ADGRL3: variants seen among roughly 807,000 people sequenced by gnomAD.
ADGRL3 encodes calcium-independent alpha-latrotoxin receptor 3.
Under a neutral mutation model 153.5 loss-of-function variants are expected in ADGRL3, and 62 were observed. The observed-to-expected ratio is 0.40, with a 90% CI of 0.33 to 0.50. The LOEUF (loss-of-function observed/expected upper bound fraction) is 0.50. Ranked by LOEUF, ADGRL3 falls within the 20% of genes least tolerant of loss-of-function variation. The pLI, the probability that ADGRL3 is intolerant of heterozygous loss-of-function variation, is 0.47. For missense variants in ADGRL3, 1,641 were observed against 1,859.4 expected (o/e 0.88, Z 2.16); for synonymous variants, 710 against 672.5 (o/e 1.06, Z -0.86).
At chr4:61,370,562 A>T (rs1054314808) in intron 1 of ADGRL3, among the ~76,000 whole-genome samples, 3 of 152,096 alleles carry the variant, frequency 2.0e-5, no homozygotes, top group Non-Finnish European at 4.4e-5. Flanking sequence ...CTTAATCCTG[A>T]GTTCTAGTTT....
Position 61,244,702 on chromosome 4 carries a change from G to T in ADGRL3, c.-240+42937G>T, listed in dbSNP as rs138705581. Among the ~76,000 whole-genome samples, 728 of 152,030 alleles carry T rather than the reference G, an allele frequency of 4.8e-3. 5 individuals are homozygous for T. The highest frequency in any genetic ancestry group is 7.8e-3 in the Non-Finnish European group (528 of 67,912). ...CCCATAAAAACACAATCTCTGACTC[G>T]ATAGAACCTATGGACTCTGGCAAAA... On this transcript the variant is annotated intron_variant, in intron 1 of 26. Transcript: ENST00000683033.
rs1052587305 is a variant in ADGRL3, at chr4:61,392,641, G to A, written c.-174+9452G>A. On this transcript the variant is annotated intron_variant, in intron 2 of 26. Transcript: ENST00000683033. The stretch of plus-strand genomic sequence containing the variant: ...GCAGAGGTTGCAGTGAGCCCAGATT[G>A]CGCCACTGCGCTCCAGCCTGGTGAC... Among the ~76,000 whole-genome samples the A allele has an allele frequency of 2.4e-5, 3 of 124,236 alleles. No individual in the cohort carries two copies. In the East Asian group the frequency reaches 7.5e-4, roughly 31 times the overall value. 81.5% of individuals were successfully genotyped at this position (124,236 alleles called of 152,430 possible).
chr4:61,635,622 A>G (rs907158651), intron 5 of ADGRL3, among the ~76,000 whole-genome samples: 1 of 152,092 alleles, frequency 6.6e-6, no homozygotes, highest in African/African-American at 2.4e-5. Context: ...GCCCATGGTG[A>G]ACTGAATTTA....
Position 61,890,355 on chromosome 4 carries a change from T to C in ADGRL3, c.1481-2301T>C, listed in dbSNP as rs542619661. ...TTACTACTTCCCTATCTTAGTTCAT[T>C]TTCTACCACTGTAACAATACCCAAG... On this transcript the variant is annotated intron_variant, in intron 9 of 26. Coordinates refer to ENST00000683033, the MANE Select transcript of ADGRL3 (RefSeq NM_001387552.1). Among the ~76,000 whole-genome samples the C allele has an allele frequency of 3.8e-4, 58 of 152,306 alleles. 1 individual carries two copies. The highest frequency in any genetic ancestry group is 1.2e-3 in the Admixed American group (18 of 15,292).
At chr4:61,822,838 G>C (rs970355869) in intron 9 of ADGRL3, among the ~76,000 whole-genome samples, 4 of 152,054 alleles carry the variant, frequency 2.6e-5, no homozygotes, top group African/African-American at 9.7e-5. Context: ...TGATGGAATG[G>C]TTATTCTTAG....
rs770387399 is a variant in ADGRL3, at chr4:61,767,149, GT to G, written c.1399+33597del. 7.2e-5 allele frequency among the ~76,000 whole-genome samples: 11 copies of G among 151,818 alleles called. No individual in the cohort carries two copies. The South Asian group carries it at 1.0e-3, about 14-fold the overall frequency. On this transcript the variant is annotated intron_variant, in intron 8 of 26. Coordinates refer to ENST00000683033, the MANE Select transcript of ADGRL3 (RefSeq NM_001387552.1). ...AGGTATCTTATACTTGTGGGTTAAGGTTGGGGGATACAAGAGGAGGACCCAA... is the reference window on the plus strand; with the variant it reads ...AGGTATCTTATACTTGTGGGTTAAGGTGGGGGATACAAGAGGAGGACCCAA...
intron 8 of ADGRL3, among the ~76,000 whole-genome samples, chr4:61,771,905 T>C (rs899274728): frequency 2.6e-5 from 4 of 152,158 alleles, no homozygotes; most frequent in Admixed American, 1.3e-4. Context: ...CAAAACCTCC[T>C]ACAAGCTAGT....
intron 8 of ADGRL3, among the ~76,000 whole-genome samples, chr4:61,760,878 G>A (rs2096904489): frequency 6.6e-6 from 1 of 152,202 alleles, no homozygotes; most frequent in Admixed American, 6.5e-5. Context: ...CTGTGTGGGA[G>A]ACCAGAGTTT....
Position 61,909,763 on chromosome 4 carries a change from G to GTA in ADGRL3, c.2073+19_2073+20insAT, listed in dbSNP as rs770336089. 0.038 allele frequency: 4,537 copies of GTA among 118,168 alleles called. 345 individuals carry two copies. The highest frequency in any genetic ancestry group is 0.069 in the Middle Eastern group (31 of 452). 7.3% of individuals were successfully genotyped at this position (118,168 alleles called of 1,614,324 possible). A position where few individuals can be genotyped will look rare whatever the true frequency, so the allele number is the denominator to read the frequency against. On this transcript the variant is annotated intron_variant, in intron 12 of 26. Coordinates refer to ENST00000683033, the MANE Select transcript of ADGRL3 (RefSeq NM_001387552.1). The stretch of plus-strand genomic sequence containing the variant: ...TGAACAAGGTAAGGACCCTAATTAT[G>GTA]TGTGTGTGTGTGTGTGTGTGTGTGT...
chr4:61,325,273 C>T (rs768427820), intron 1 of ADGRL3, among the ~76,000 whole-genome samples: 4 of 152,144 alleles, frequency 2.6e-5, no homozygotes, highest in Non-Finnish European at 5.9e-5. Flanking sequence ...GATCACTCCA[C>T]TGTCCTCCAG....
chr4:61,903,221 A>T (rs1255207806), intron 11 of ADGRL3, among the ~76,000 whole-genome samples: 3 of 152,120 alleles, frequency 2.0e-5, no homozygotes, highest in African/African-American at 7.2e-5. Flanking sequence ...CTTTCCCCTC[A>T]ATAGCACCCA....
rs77659000 is a variant in ADGRL3, at chr4:61,585,864, C to T, written c.260-1363C>T. 6.3e-3 allele frequency among the ~76,000 whole-genome samples: 952 copies of T among 151,978 alleles called. 16 individuals are homozygous for T. Among genetic ancestry groups the T allele is most frequent in the African/African-American group, 0.022 (902 of 41,512 alleles). ...TGTCCAGCAAACATCTAAACTTAAA[C>T]GTCAAGCTAGAAAAAGTGTGTTTCT... On this transcript the variant is annotated intron_variant, in intron 4 of 26. Transcript: ENST00000683033.
chr4:61,513,938 A>T (rs1343950476), intron 3 of ADGRL3, among the ~76,000 whole-genome samples: 1 of 152,174 alleles, frequency 6.6e-6, no homozygotes, highest in Non-Finnish European at 1.5e-5. Flanking sequence ...CTCTAATGGT[A>T]TTGGGAAGGA....
chr4:61,628,068 G>A (rs1481667132), intron 5 of ADGRL3, among the ~76,000 whole-genome samples: 1 of 152,094 alleles, frequency 6.6e-6, no homozygotes, highest in Admixed American at 6.5e-5. Context: ...AATGATAATG[G>A]TAATAGTAAT....
intron 24 of ADGRL3, among the ~76,000 whole-genome samples, chr4:62,041,432 TTATATAA>T (rs1300285413): frequency 6.6e-6 from 1 of 152,068 alleles, no homozygotes. Flanking sequence ...TTGCTTTTTA[TTATATAA>T]TATTTGAAAA....
intron 13 of ADGRL3, among the ~76,000 whole-genome samples, chr4:61,928,521 A>G (rs1350431496): frequency 6.6e-6 from 1 of 152,214 alleles, no homozygotes; most frequent in Non-Finnish European, 1.5e-5. Context: ...CTCTAACCTC[A>G]TTCAACAGTG....
chr4:61,549,488 T>A (rs1177501750), intron 4 of ADGRL3, among the ~76,000 whole-genome samples: 1 of 152,032 alleles, frequency 6.6e-6, no homozygotes, highest in Non-Finnish European at 1.5e-5. Context: ...GCCTGAGAAC[T>A]TCCTCTGCTA....
At chr4:62,070,015 T>G in intron 26 of ADGRL3, 94 bp from the exon 27 acceptor site, 1 of 993,550 alleles carries the variant, frequency 1.0e-6, no homozygotes, top group South Asian at 1.6e-5. Context: ...TTATACATAT[T>G]TCATAGTCAA....
chr4:61,890,575 C>T (rs1433180438), intron 9 of ADGRL3, among the ~76,000 whole-genome samples: 1 of 152,152 alleles, frequency 6.6e-6, no homozygotes, highest in Admixed American at 6.5e-5. Flanking sequence ...ATCCTCTTAT[C>T]AGAAACCCAT....
Sources: gnomAD v4.1 joint callset for allele counts (sites outside exome capture counted in the v4.1 genomes callset) on GRCh38, gnomAD v4.1.1 for gene constraint, MANE v1.5 for transcripts, NCBI Gene and HGNC (gene_info 2026-07-23, HGNC 2026-07-21) for gene names.